ANXA4: variants seen among roughly 807,000 people sequenced by gnomAD.
ANXA4 encodes 35-beta calcimedin.
Under a neutral mutation model 49.8 loss-of-function variants are expected in ANXA4, and 39 were observed. That is an observed-to-expected ratio of 0.78 (90% CI 0.61 to 1.02). The LOEUF is 1.02. ANXA4 is among the 50% of genes least tolerant of loss of function. The pLI is 0.00. For synonymous variants in ANXA4, 134 were observed against 152.5 expected (o/e 0.88, Z 0.89); for missense variants, 360 against 410.1 (o/e 0.88, Z 1.05).
chr2:69,825,656 T>A lies in ANXA4; in HGVS notation c.*141T>A. The A allele has an allele frequency of 1.7e-6, 1 of 585,896 alleles. No individual in the cohort carries two copies. Among genetic ancestry groups the A allele is most frequent in the Non-Finnish European group, 3.0e-6 (1 of 335,664 alleles). 36.3% of individuals were successfully genotyped at this position (585,896 alleles called of 1,614,324 possible). On this transcript the variant is annotated 3_prime_UTR_variant, in exon 13 of 13. Coordinates refer to ENST00000394295, the MANE Select transcript of ANXA4 (RefSeq NM_001153.5). ...CAGCTGCCTCCTAGAATATAGACTGTCTGTATTATTATTCACCTATAATTA... is the reference window on the plus strand; with the variant it reads ...CAGCTGCCTCCTAGAATATAGACTGACTGTATTATTATTCACCTATAATTA...
At chr2:69,739,709 C>T (rs1670336963), upstream of ANXA4, among the ~76,000 whole-genome samples, 1 of 152,116 alleles carries the variant, frequency 6.6e-6, no homozygotes, top group Non-Finnish European at 1.5e-5. Flanking sequence ...CAGGCGTGAG[C>T]CACAGCACCC....
chr2:69,679,784 A>G (rs1677533153), intron 2 of ANXA4, among the ~76,000 whole-genome samples: 1 of 152,170 alleles, frequency 6.6e-6, no homozygotes, highest in Admixed American at 6.5e-5. Context: ...AATGTCTGTT[A>G]TTGGCACCTT....
chr2:69,690,530 C>T (rs1275085175), intron 2 of ANXA4, among the ~76,000 whole-genome samples: 1 of 152,162 alleles, frequency 6.6e-6, no homozygotes, highest in Non-Finnish European at 1.5e-5. Flanking sequence ...TGAGCCACTG[C>T]GCCCGGCCCA....
chr2:69,781,436 T>C (rs1219259464), intron 1 of ANXA4, 84 bp from the exon 2 acceptor site: 1 of 1,147,886 alleles, frequency 8.7e-7, no homozygotes, highest in East Asian at 2.5e-5. Context: ...TGGCTTAGCT[T>C]CATGCAAACT....
intron 1 of ANXA4, among the ~76,000 whole-genome samples, chr2:69,771,053 C>G (rs1671691840): frequency 7.1e-6 from 1 of 140,736 alleles, no homozygotes; most frequent in African/African-American, 2.7e-5. Flanking sequence ...ATGACTGTAC[C>G]ACTGCACTCC....
intron 2 of ANXA4, among the ~76,000 whole-genome samples, chr2:69,669,237 G>A (rs972983872): frequency 7.9e-5 from 12 of 151,334 alleles, no homozygotes; most frequent in Admixed American, 3.3e-4. Context: ...AAGCCACTGC[G>A]CCTGGCCTTC....
chr2:69,775,961 T>TTTATTTATTTATTTATTTA (rs376392856), intron 1 of ANXA4, among the ~76,000 whole-genome samples: 8 of 104,464 alleles, frequency 7.7e-5, no homozygotes, highest in African/African-American at 2.2e-4. Flanking sequence ...TTTATTTTTA[T>TTTATTTATTTATTTATTTA]TTTATTTATT....
intron 2 of ANXA4, among the ~76,000 whole-genome samples, chr2:69,701,039 A>AT (rs1678314584): frequency 6.6e-6 from 1 of 151,700 alleles, no homozygotes; most frequent in African/African-American, 2.4e-5. Flanking sequence ...CATCTGGCTA[A>AT]TTTTTTTGTA....
At position 69,820,600 on chromosome 2, in the gene ANXA4, G is replaced by A. The variant is rs765135401; in HGVS notation, c.784-99G>A. 2.9e-5 allele frequency: 41 copies of A among 1,432,868 alleles called. 1 individual carries two copies. Among genetic ancestry groups the A allele is most frequent in the African/African-American group, 4.2e-5 (3 of 70,640 alleles). The allele number at this position is 1,432,868 out of a possible 1,614,324, so 88.8% of individuals were successfully genotyped here. A position where few individuals can be genotyped will look rare whatever the true frequency, so the allele number is the denominator to read the frequency against. ...GCCAAGTAGTGGAGCAAAGGACATC[G>A]TCAGCACAGTCATCTCTAGTCTTGC... On this transcript the variant is annotated intron_variant, in intron 11 of 12. Transcript: ENST00000394295.
At chr2:69,793,795 G>A (rs1367566944) in intron 3 of ANXA4, among the ~76,000 whole-genome samples, 1 of 151,374 alleles carries the variant, frequency 6.6e-6, no homozygotes, top group African/African-American at 2.4e-5. Flanking sequence ...CAGGCCACCG[G>A]AAGCCATTCT....
intron 2 of ANXA4, among the ~76,000 whole-genome samples, chr2:69,668,541 T>G (rs140443542): frequency 6.6e-6 from 1 of 152,228 alleles, no homozygotes; most frequent in African/African-American, 2.4e-5. Context: ...TCTACATTTG[T>G]GTATAGGTAA....
intron 2 of ANXA4, among the ~76,000 whole-genome samples, chr2:69,705,697 C>T (rs1486515412): frequency 2.4e-4 from 37 of 152,188 alleles, no homozygotes; most frequent in Non-Finnish European, 2.5e-4. Context: ...TTTGGGAGGC[C>T]AAGGCGGGTG....
At chr2:69,719,176 C>T (rs1197159098) in intron 2 of ANXA4, among the ~76,000 whole-genome samples, 4 of 150,488 alleles carry the variant, frequency 2.7e-5, no homozygotes, top group Admixed American at 6.6e-5. Flanking sequence ...CAAGGTTTCA[C>T]TATGTTGGCC....
intron 2 of ANXA4, among the ~76,000 whole-genome samples, chr2:69,694,092 T>C (rs536156484): frequency 6.6e-6 from 1 of 152,326 alleles, no homozygotes; most frequent in African/African-American, 2.4e-5. Flanking sequence ...ATGGTCTGAA[T>C]GTTTGTGTCT....
At chr2:69,738,593 T>C (rs575774420), upstream of ANXA4, among the ~76,000 whole-genome samples, 5 of 152,244 alleles carry the variant, frequency 3.3e-5, no homozygotes, top group Admixed American at 2.0e-4. Flanking sequence ...GCATGATTTA[T>C]AGAATGCAAC....
intron 2 of ANXA4, among the ~76,000 whole-genome samples, chr2:69,663,063 A>C (rs1233887042): frequency 7.6e-6 from 1 of 130,776 alleles, no homozygotes; most frequent in Non-Finnish European, 1.6e-5. Context: ...CATGATCTCC[A>C]CTCACTGCAA....
chr2:69,802,579 C>T (rs1457496056), intron 3 of ANXA4, among the ~76,000 whole-genome samples: 3 of 151,976 alleles, frequency 2.0e-5, no homozygotes, highest in Non-Finnish European at 2.9e-5. Flanking sequence ...GGCGTGGTGG[C>T]GTGCACCTGT....
At chr2:69,661,822 A>T (rs953925017) in intron 2 of ANXA4, among the ~76,000 whole-genome samples, 4 of 152,116 alleles carry the variant, frequency 2.6e-5, no homozygotes, top group African/African-American at 9.7e-5. Context: ...GATTTCTTGT[A>T]AGTCTGTACA....
chr2:69,728,385 T>A (rs1195124244), intron 3 of ANXA4, among the ~76,000 whole-genome samples: 1 of 152,228 alleles, frequency 6.6e-6, no homozygotes, highest in Non-Finnish European at 1.5e-5. Context: ...AAGTTTAATA[T>A]AACTGAATTT....
Sources: gnomAD v4.1 joint callset for allele counts (sites outside exome capture counted in the v4.1 genomes callset) on GRCh38, gnomAD v4.1.1 for gene constraint, MANE v1.5 for transcripts, NCBI Gene and HGNC (gene_info 2026-07-23, HGNC 2026-07-21) for gene names.